The following LRRK1 variants were observed in gnomAD, a reference collection of about 807,000 sequenced individuals.
The protein encoded by LRRK1 is leucine-rich repeat serine/threonine-protein kinase 1.
LRRK1 carries 113 observed loss-of-function variants against 209.1 expected under a neutral mutation model. The observed-to-expected ratio is 0.54, with a 90% CI of 0.46 to 0.63. The LOEUF (loss-of-function observed/expected upper bound fraction) is 0.63, where lower values mean the gene tolerates loss of function less well. Ranked by LOEUF, LRRK1 falls within the 30% of genes least tolerant of loss-of-function variation. LRRK1 has a pLI of 0.00. For missense variants in LRRK1, 2,284 were observed against 2,632.2 expected (o/e 0.87, Z 2.89); for synonymous variants, 1,144 against 1,099.7 (o/e 1.04, Z -0.80).
rs529101179 is a variant in LRRK1 at position 101,043,142 on chromosome 15, G to A, written c.2964-2839G>A. ...TTGCCATGCAGCACCCAGAGAACAC[G>A]TCGCCACTCTGCGTCCTCAGCTCCA... On this transcript the variant is annotated intron_variant, in intron 20 of 33. Coordinates refer to ENST00000388948, the MANE Select transcript of LRRK1 (RefSeq NM_024652.6). 7.9e-5 allele frequency among the ~76,000 whole-genome samples: 12 copies of A among 152,340 alleles called. No individual in the cohort carries two copies. In the South Asian group the frequency reaches 1.9e-3, roughly 24 times the overall value.
In LRRK1 at chr15:100,924,603, G is replaced by A; in HGVS notation, c.-30G>A. On this transcript the variant is annotated 5_prime_UTR_variant, in exon 2 of 34. Transcript: ENST00000388948. Reference sequence around the variant, plus strand: ...AGTGGCAGTGACAACAGCGGGACCTGCCTTTGAAGATCGGCTGCTGCAAGG... The same window carrying A: ...AGTGGCAGTGACAACAGCGGGACCTACCTTTGAAGATCGGCTGCTGCAAGG... 2 of 1,607,610 alleles carry A rather than the reference G, an allele frequency of 1.2e-6. No homozygotes were observed. The highest frequency in any genetic ancestry group is 1.7e-6 in the Non-Finnish European group (2 of 1,174,412).
At chr15:101,013,916 C>T (rs1002499949) in intron 10 of LRRK1, among the ~76,000 whole-genome samples, 6 of 152,192 alleles carry the variant, frequency 3.9e-5, no homozygotes, top group Non-Finnish European at 7.3e-5. Context: ...CAGACACCAG[C>T]ACTGTACTGC....
intron 2 of LRRK1, among the ~76,000 whole-genome samples, chr15:100,951,967 T>A (rs8029292): frequency 0.15 from 19,731 of 135,188 alleles, 1,828 homozygotes; most frequent in African/African-American, 0.28. Flanking sequence ...AAAAAAAAAA[T>A]AATAATAATA....
chr15:100,960,411 C>T (rs2029875999), intron 2 of LRRK1, among the ~76,000 whole-genome samples: 2 of 151,926 alleles, frequency 1.3e-5, no homozygotes, highest in Non-Finnish European at 2.9e-5. Flanking sequence ...TCATCTTCCC[C>T]AAAATCGGAG....
chr15:101,005,013 G>C (rs1248072659), intron 6 of LRRK1, among the ~76,000 whole-genome samples: 1 of 152,182 alleles, frequency 6.6e-6, no homozygotes, highest in African/African-American at 2.4e-5. Context: ...TCTTGCATTT[G>C]GCTGCCATTT....
At position 101,008,995 on chromosome 15, in the gene LRRK1, G is replaced by A; in HGVS notation, c.921G>A (p.Leu307=). Residue 307 remains leucine, a synonymous_variant, in exon 7 of 34, where the codon CTG becomes CTA. Transcript: ENST00000388948. Reference sequence around the variant, plus strand: ...GGGGCCTCATCAATCTCCGGAAGCTGAACCTCTCCGACAACCACCTGGGGG... The same window carrying A: ...GGGGCCTCATCAATCTCCGGAAGCTAAACCTCTCCGACAACCACCTGGGGG... The part of the protein sequence containing the change: ...IPWGLINLRK[L]NLSDNHLGEL... 2.5e-6 allele frequency: 4 copies of A among 1,614,200 alleles called. No individual in the cohort carries two copies. The highest frequency in any genetic ancestry group is 3.4e-6 in the Non-Finnish European group (4 of 1,180,036).
intron 15 of LRRK1, among the ~76,000 whole-genome samples, chr15:101,023,407 A>G (rs967302172): frequency 6.6e-6 from 1 of 152,078 alleles, no homozygotes; most frequent in African/African-American, 2.4e-5. Flanking sequence ...GGAAATGAAC[A>G]TTTTCCTGTT....
chr15:100,924,403 A>G (rs1596148797), intron 1 of LRRK1, 108 bp from the exon 2 acceptor site: 1 of 539,962 alleles, frequency 1.9e-6, no homozygotes, highest in East Asian at 3.1e-5. Flanking sequence ...GATGGACTAC[A>G]AAAAGGAATG....
chr15:101,054,971 C>T lies in LRRK1; in HGVS notation c.4080C>T (p.His1360=). Residue 1360 remains histidine (H), a synonymous_variant, in exon 27 of 34, where the codon CAC becomes CAT. Coordinates refer to ENST00000388948, the MANE Select transcript of LRRK1 (RefSeq NM_024652.6). ...ATTCTTCCTTTATACCCCTGGGACACATGCTCACCCAAAAAATAGCCTACC... is the reference window on the plus strand; with the variant it reads ...ATTCTTCCTTTATACCCCTGGGACATATGCTCACCCAAAAAATAGCCTACC... ...ARDSSFIPLG[H]MLTQKIAYQI... 1 of 1,613,090 alleles carries T rather than the reference C, an allele frequency of 6.2e-7. No homozygotes were observed. Among genetic ancestry groups the T allele is most frequent in the Non-Finnish European group, 8.5e-7 (1 of 1,179,578 alleles).
intron 20 of LRRK1, among the ~76,000 whole-genome samples, chr15:101,040,948 G>A (rs770559838): frequency 6.6e-6 from 1 of 152,118 alleles, no homozygotes; most frequent in African/African-American, 2.4e-5. Context: ...CAAATCTTCC[G>A]TATTCTCACT....
intron 10 of LRRK1, among the ~76,000 whole-genome samples, chr15:101,013,528 T>C (rs376243596): frequency 6.6e-6 from 1 of 152,140 alleles, no homozygotes; most frequent in Admixed American, 6.5e-5. Context: ...ATGGGGGGAC[T>C]GCTTGAGGCC....
At chr15:100,939,507 T>C (rs1254680862) in intron 2 of LRRK1, among the ~76,000 whole-genome samples, 2 of 152,354 alleles carry the variant, frequency 1.3e-5, no homozygotes, top group Middle Eastern at 6.8e-3. Flanking sequence ...TGTCTAATTG[T>C]CTCTCTCTGA....
chr15:101,036,849 A>G (rs2034512338), intron 20 of LRRK1, among the ~76,000 whole-genome samples: 1 of 152,254 alleles, frequency 6.6e-6, no homozygotes, highest in Non-Finnish European at 1.5e-5. Flanking sequence ...GCAGTAGTGT[A>G]ATCTGTATTA....
intron 10 of LRRK1, 72 bp from the exon 11 acceptor site, chr15:101,014,244 G>A: frequency 9.2e-7 from 1 of 1,091,096 alleles, no homozygotes; most frequent in Non-Finnish European, 1.4e-6. Context: ...GAACTGACTG[G>A]CTCTTCAGTC....
intron 29 of LRRK1, among the ~76,000 whole-genome samples, chr15:101,059,092 G>A (rs2035999415): frequency 6.6e-6 from 1 of 152,218 alleles, no homozygotes; most frequent in South Asian, 2.1e-4. Flanking sequence ...AAATGATGCT[G>A]TAAGGAAGTT....
intron 33 of LRRK1, among the ~76,000 whole-genome samples, 195 bp downstream of exon 33, chr15:101,066,936 G>C (rs1370751367): frequency 6.6e-6 from 1 of 152,220 alleles, no homozygotes; most frequent in East Asian, 1.9e-4. Flanking sequence ...ACTGGCCATG[G>C]CTGCCTGTTT....
intron 20 of LRRK1, among the ~76,000 whole-genome samples, chr15:101,029,441 C>T (rs1262188664): frequency 2.0e-5 from 3 of 151,668 alleles, no homozygotes; most frequent in Non-Finnish European, 2.9e-5. Flanking sequence ...TCCTGTGCCA[C>T]GGGCTTCTCT....
intron 26 of LRRK1, among the ~76,000 whole-genome samples, chr15:101,053,664 G>A (rs535534454): frequency 2.6e-5 from 4 of 152,356 alleles, no homozygotes; most frequent in South Asian, 4.1e-4. Context: ...GCTCTGCCGC[G>A]GTCCGGAAAG....
rs918772424 is a variant in LRRK1, at chr15:101,074,343, C to T, written c.*5495C>T. The T allele has an allele frequency of 1.3e-5, 2 of 152,072 alleles. No homozygotes were observed. The highest frequency in any genetic ancestry group is 1.3e-4 in the Admixed American group (2 of 15,272). 9.4% of individuals were successfully genotyped at this position (152,072 alleles called of 1,614,324 possible). A position where few individuals can be genotyped will look rare whatever the true frequency, so the allele number is the denominator to read the frequency against. ...ACAGTTTCCTTCCGTGACTAGCCCTCCCCTACCTGCCCAGCAATTTTCTCT... is the reference window on the plus strand; with the variant it reads ...ACAGTTTCCTTCCGTGACTAGCCCTTCCCTACCTGCCCAGCAATTTTCTCT... On this transcript the variant is annotated 3_prime_UTR_variant, in exon 34 of 34. Coordinates refer to ENST00000388948, the MANE Select transcript of LRRK1 (RefSeq NM_024652.6).
Sources: allele counts gnomAD v4.1 joint callset (sites outside exome capture counted in the v4.1 genomes callset), GRCh38; gene constraint gnomAD v4.1.1; transcripts MANE v1.5; gene names NCBI Gene and HGNC (gene_info 2026-07-23, HGNC 2026-07-21).